LPP: variants seen among roughly 807,000 people sequenced by gnomAD.
LPP encodes LIM domain containing preferred translocation partner in lipoma.
Under a neutral mutation model 60.4 loss-of-function variants are expected in LPP, and 38 were observed. The ratio of observed to expected loss-of-function variants is 0.63; its 90% CI spans 0.49 to 0.83. The LOEUF (loss-of-function observed/expected upper bound fraction) is 0.83. Ranked by LOEUF, LPP falls within the 40% of genes least tolerant of loss-of-function variation. The probability of loss-of-function intolerance (pLI) is 0.00; values close to 1 mark genes in which losing one functional copy is unlikely to be tolerated. For synonymous variants in LPP, 328 were observed against 290.8 expected, an observed-to-expected ratio of 1.13 and a Z score of -1.30; for missense variants, 902 against 783.6, an observed-to-expected ratio of 1.15 and a Z score of -1.80.
chr3:188,413,807 G>T lies in LPP; in HGVS notation c.193+7494G>T, dbSNP rs569784278. Reference sequence around the variant, plus strand: ...TGATGGTCAGTGCAGTTACATTCAAGCTTCAGTTTCATCACTTGGCCTTGG... The same window carrying T: ...TGATGGTCAGTGCAGTTACATTCAATCTTCAGTTTCATCACTTGGCCTTGG... On this transcript the variant is annotated intron_variant, in intron 4 of 11. Transcript: ENST00000617246. Among the ~76,000 whole-genome samples, 4 of 152,270 alleles carry T rather than the reference G, an allele frequency of 2.6e-5. No individual in the cohort carries two copies. The East Asian group carries it at 7.7e-4, about 29-fold the overall frequency.
In LPP at chr3:188,750,605, C is replaced by G. The variant is rs146842101; in HGVS notation, c.1241-9508C>G. Among the ~76,000 whole-genome samples the G allele has an allele frequency of 9.9e-5, 15 of 152,194 alleles. No individual in the cohort carries two copies. In the East Asian group the frequency reaches 2.9e-3, roughly 29 times the overall value. ...CCAAGATCGCACCACTGCACTCCAA[C>G]CTGGGCAACCGAGTGAGACTCCATC... On this transcript the variant is annotated intron_variant, in intron 8 of 11. Transcript: ENST00000617246.
At chr3:188,761,170 T>TCCCTCAGTG (rs1732205613) in intron 9 of LPP, among the ~76,000 whole-genome samples, 2 of 152,200 alleles carry the variant, frequency 1.3e-5, no homozygotes, top group African/African-American at 4.8e-5. Context: ...TCATGGTTTG[T>TCCCTCAGTG]CCCTCAGTGC....
At chr3:188,183,766 G>A (rs1320434665) in intron 1 of LPP, among the ~76,000 whole-genome samples, 1 of 151,988 alleles carries the variant, frequency 6.6e-6, no homozygotes, top group African/African-American at 2.4e-5. Context: ...GTGTGCTGGG[G>A]AGGTTTTATG....
In LPP at chr3:188,356,135, T is replaced by C. The variant is rs540262509; in HGVS notation, c.-10+14416T>C. ...AGTTTCCCAAGATATCAGATGTCCT[T>C]ATTTGCTAGTGCCCATTCGTTGAAC... On this transcript the variant is annotated intron_variant, in intron 3 of 11. Transcript: ENST00000617246. 3.3e-5 allele frequency among the ~76,000 whole-genome samples: 5 copies of C among 152,310 alleles called. No homozygotes were observed. In the South Asian group the frequency reaches 1.0e-3, roughly 32 times the overall value.
intron 8 of LPP, among the ~76,000 whole-genome samples, chr3:188,723,467 T>C (rs183972691): frequency 6.6e-6 from 1 of 152,286 alleles, no homozygotes; most frequent in African/African-American, 2.4e-5. Flanking sequence ...GTGATCTCTA[T>C]TGAACAGAGG....
intron 8 of LPP, among the ~76,000 whole-genome samples, chr3:188,754,088 A>G (rs1239257034): frequency 6.6e-6 from 1 of 152,060 alleles, no homozygotes; most frequent in African/African-American, 2.4e-5. Flanking sequence ...GATATGTGAT[A>G]TCTTACTTTA....
chr3:188,626,380 C>T (rs533717988), intron 7 of LPP, among the ~76,000 whole-genome samples: 2 of 151,432 alleles, frequency 1.3e-5, no homozygotes, highest in South Asian at 4.1e-4. Flanking sequence ...ACGTGTATAG[C>T]ATATCATATA....
At chr3:188,303,187 A>C (rs1418115905) in intron 2 of LPP, among the ~76,000 whole-genome samples, 1 of 152,186 alleles carries the variant, frequency 6.6e-6, no homozygotes, top group East Asian at 1.9e-4. Context: ...CTGCTCTTAG[A>C]TAATACACGA....
chr3:188,726,864 A>T (rs1718596043), intron 8 of LPP, among the ~76,000 whole-genome samples: 1 of 152,246 alleles, frequency 6.6e-6, no homozygotes, highest in African/African-American at 2.4e-5. Context: ...AGAAAACAGC[A>T]GCTAAAAAAA....
In LPP at chr3:188,878,175, C is replaced by A. The variant is rs560602796; in HGVS notation, c.*3696C>A. On this transcript the variant is annotated 3_prime_UTR_variant, in exon 12 of 12. Transcript: ENST00000617246. ...TAAAAATCCTATTAATGTGAACCAG[C>A]CAGGAATAACAGTGTTATTTCTATT... 3 of 217,868 alleles carry A rather than the reference C, an allele frequency of 1.4e-5. No individual in the cohort carries two copies. The highest frequency in any genetic ancestry group is 1.9e-4 in the South Asian group (1 of 5,370). The allele number at this position is 217,868 out of a possible 1,614,324, so 13.5% of individuals were successfully genotyped here.
chr3:188,765,886 T>TTTTG (rs1257405569), intron 9 of LPP, among the ~76,000 whole-genome samples: 1 of 109,890 alleles, frequency 9.1e-6, no homozygotes, highest in African/African-American at 3.4e-5. Flanking sequence ...TTTTTTTTTT[T>TTTTG]TGGAGACAGG....
intron 6 of LPP, among the ~76,000 whole-genome samples, chr3:188,569,465 C>A (rs1833006046): frequency 6.6e-6 from 1 of 151,874 alleles, no homozygotes; most frequent in Non-Finnish European, 1.5e-5. Context: ...ATGTAGAATT[C>A]CCCATCAGAT....
At chr3:188,607,370 G>GAAAT (rs1423303782) in intron 6 of LPP, among the ~76,000 whole-genome samples, 1 of 102,732 alleles carries the variant, frequency 9.7e-6, no homozygotes, top group Non-Finnish European at 2.1e-5. Flanking sequence ...GAAAATAGAA[G>GAAAT]ATATATATAT....
intron 8 of LPP, among the ~76,000 whole-genome samples, chr3:188,715,942 T>G (rs1442648091): frequency 6.6e-6 from 1 of 152,242 alleles, no homozygotes; most frequent in Admixed American, 6.5e-5. Context: ...CAGTAGATTT[T>G]TAAGCATAGA....
chr3:188,650,941 C>A (rs1005812079), intron 7 of LPP, among the ~76,000 whole-genome samples: 1 of 152,100 alleles, frequency 6.6e-6, no homozygotes, highest in African/African-American at 2.4e-5. Flanking sequence ...ACAAACTTTG[C>A]AATATTTACC....
chr3:188,814,646 T>C (rs1751981368), intron 9 of LPP, among the ~76,000 whole-genome samples: 1 of 152,254 alleles, frequency 6.6e-6, no homozygotes, highest in Non-Finnish European at 1.5e-5. Context: ...ATCAGGTTTA[T>C]TGTGACTTGA....
chr3:188,573,437 T>C (rs965684381), intron 6 of LPP, among the ~76,000 whole-genome samples: 1 of 152,126 alleles, frequency 6.6e-6, no homozygotes, highest in African/African-American at 2.4e-5. Flanking sequence ...CAATGACTGC[T>C]GTGTTCTTTT....
At chr3:188,433,795 A>C (rs190720132) in intron 4 of LPP, among the ~76,000 whole-genome samples, 340 of 152,194 alleles carry the variant, frequency 2.2e-3, no homozygotes, top group Non-Finnish European at 2.1e-3. Flanking sequence ...AAAAAGCAGA[A>C]AGAAGTAAAC....
intron 3 of LPP, among the ~76,000 whole-genome samples, chr3:188,354,106 T>G (rs1170277776): frequency 6.6e-6 from 1 of 152,208 alleles, no homozygotes; most frequent in Non-Finnish European, 1.5e-5. Flanking sequence ...CTTTCCTAAC[T>G]TTTATAGGAT....
Sources: gnomAD v4.1 joint callset for allele counts (sites outside exome capture counted in the v4.1 genomes callset) on GRCh38, gnomAD v4.1.1 for gene constraint, MANE v1.5 for transcripts, NCBI Gene and HGNC (gene_info 2026-07-23, HGNC 2026-07-21) for gene names.